The following CATSPERB variants were observed in gnomAD, a reference collection of about 807,000 sequenced individuals.
The protein encoded by CATSPERB is cation channel sperm-associated auxiliary subunit beta.
CATSPERB carries 93 observed loss-of-function variants against 128.3 expected under a neutral mutation model. The ratio of observed to expected loss-of-function variants is 0.72; its 90% CI spans 0.61 to 0.86. The LOEUF is 0.86. CATSPERB is among the 40% of genes least tolerant of loss of function. The pLI, the probability that CATSPERB is intolerant of heterozygous loss-of-function variation, is 0.00. For synonymous variants in CATSPERB, 381 were observed against 448.8 expected, an observed-to-expected ratio of 0.85 and a Z score of 1.91; for missense variants, 1,153 against 1,329.5, an observed-to-expected ratio of 0.87 and a Z score of 2.06.
At chr14:91,677,488 C>T (rs1326716874) in intron 11 of CATSPERB, among the ~76,000 whole-genome samples, 2 of 152,110 alleles carry the variant, frequency 1.3e-5, no homozygotes, top group East Asian at 1.9e-4. Context: ...TAAAGAAATG[C>T]AAATCAAAAC....
chr14:91,592,422 T>C (rs1893425382), intron 22 of CATSPERB: 1 of 181,746 alleles, frequency 5.5e-6, no homozygotes, highest in Non-Finnish European at 1.1e-5. Context: ...TCTTTCTTCA[T>C]AGCATATGTT....
At chr14:91,678,083 G>T (rs1040187834) in intron 11 of CATSPERB, among the ~76,000 whole-genome samples, 2 of 152,146 alleles carry the variant, frequency 1.3e-5, no homozygotes, top group African/African-American at 2.4e-5. Context: ...GTTGGCAGGT[G>T]GGGGGCAAGG....
In CATSPERB at chr14:91,659,864, G is replaced by A. The variant is rs377645915; in HGVS notation, c.1405C>T (p.Arg469Cys). 33 of 1,606,216 alleles carry A rather than the reference G, an allele frequency of 2.1e-5. No individual in the cohort carries two copies. Among genetic ancestry groups the A allele is most frequent in the Admixed American group, 1.7e-4 (10 of 58,260 alleles). ...GCCTTTGTCGAGTAAACCTTTCCAC[G>A]TTGAGAAACAAAAGTAATAGCTGAT... ...YTSAITFVSQ[R>C]GKVYSTKAGM... Residue 469 changes from arginine to cysteine, a missense_variant, in exon 15 of 27, where the codon CGT becomes TGT. By Grantham distance (180) the Arg-to-Cys change is radical (BLOSUM62 -3). Coordinates refer to ENST00000256343, the MANE Select transcript of CATSPERB (RefSeq NM_024764.4).
At chr14:91,621,554 T>A in intron 19 of CATSPERB, 54 bp downstream of exon 19, 1 of 1,359,566 alleles carries the variant, frequency 7.4e-7, no homozygotes, top group East Asian at 2.3e-5. Flanking sequence ...TATTTCACAT[T>A]CAAGAAAAGA....
intron 6 of CATSPERB, among the ~76,000 whole-genome samples, 174 bp from the exon 7 acceptor site, chr14:91,704,875 A>T (rs1895710435): frequency 1.3e-5 from 2 of 152,222 alleles, no homozygotes; most frequent in South Asian, 4.1e-4. Flanking sequence ...TTTCCAGGAT[A>T]TAAGGAGTAA....
intron 17 of CATSPERB, among the ~76,000 whole-genome samples, chr14:91,632,035 C>G (rs997877702): frequency 3.3e-5 from 5 of 151,448 alleles, no homozygotes; most frequent in Non-Finnish European, 7.4e-5. Context: ...GAAGAGAAGA[C>G]AAAAATGAAA....
Position 91,621,903 on chromosome 14 carries a change from CTCTATA to C in CATSPERB, c.1959_1964del (p.Asp653_Ile654del). 2 of 1,610,448 alleles carry C rather than the reference CTCTATA, an allele frequency of 1.2e-6. No individual in the cohort carries two copies. The highest frequency in any genetic ancestry group is 1.7e-6 in the Non-Finnish European group (2 of 1,178,212). On this transcript the variant is annotated inframe_deletion, in exon 19 of 27. Coordinates refer to ENST00000256343, the MANE Select transcript of CATSPERB (RefSeq NM_024764.4). The stretch of plus-strand genomic sequence containing the variant: ...TGTACCCGGGAAGCACTACAGTCTT[CTCTATA>C]TCTGTATCTTCAAACAAGGCCTGAA...
chr14:91,663,294 T>C (rs1894917445), intron 14 of CATSPERB, among the ~76,000 whole-genome samples: 2 of 152,216 alleles, frequency 1.3e-5, no homozygotes, highest in Non-Finnish European at 2.9e-5. Flanking sequence ...ATTTCTTTTA[T>C]TATTTTTCAT....
At chr14:91,598,934 T>C (rs1177831614) in intron 22 of CATSPERB, among the ~76,000 whole-genome samples, 1 of 152,084 alleles carries the variant, frequency 6.6e-6, no homozygotes, top group East Asian at 1.9e-4. Context: ...GCTGTCCTTG[T>C]TCATTCCTGG....
chr14:91,640,513 C>T (rs111526102), intron 15 of CATSPERB, among the ~76,000 whole-genome samples: 8 of 110,082 alleles, frequency 7.3e-5, no homozygotes, highest in African/African-American at 2.2e-4. Flanking sequence ...TTTGTTCTTG[C>T]GATAGTTTAC....
intron 4 of CATSPERB, among the ~76,000 whole-genome samples, chr14:91,720,231 T>C (rs1053011179): frequency 2.0e-5 from 3 of 151,942 alleles, no homozygotes; most frequent in Non-Finnish European, 4.4e-5. Context: ...TGACTTCTTA[T>C]TCAGAAGCAA....
intron 3 of CATSPERB, among the ~76,000 whole-genome samples, chr14:91,724,522 T>C (rs567478655): frequency 1.3e-5 from 2 of 152,318 alleles, no homozygotes; most frequent in East Asian, 3.9e-4. Context: ...TTATTATATA[T>C]ATTTATCATA....
At chr14:91,614,571 C>T (rs929557846) in intron 20 of CATSPERB, among the ~76,000 whole-genome samples, 3 of 151,532 alleles carry the variant, frequency 2.0e-5, no homozygotes, top group Non-Finnish European at 2.9e-5. Context: ...GGTGGGAGGA[C>T]TGCTCGAGCC....
chr14:91,725,138 T>C lies in CATSPERB; in HGVS notation c.110A>G (p.Asn37Ser). The C allele has an allele frequency of 6.3e-7, 1 of 1,578,238 alleles. No homozygotes were observed. Among genetic ancestry groups the C allele is most frequent in the Non-Finnish European group, 8.6e-7 (1 of 1,163,594 alleles). ...DDTEKRFACS[N>S]KGFPQENEII... ...TTCATTCTCTTGAGGGAACCCTTTG[T>C]TAGAACATGCAAAGCGTTTCTCTGT... Residue 37 changes from asparagine (N) to serine (S), a missense_variant, in exon 3 of 27, where the codon AAC becomes AGC. Asn to Ser is a conservative substitution (Grantham distance 46). Transcript: ENST00000256343.
chr14:91,716,848 T>C (rs1895951420), intron 5 of CATSPERB, among the ~76,000 whole-genome samples: 1 of 152,110 alleles, frequency 6.6e-6, no homozygotes, highest in Non-Finnish European at 1.5e-5. Flanking sequence ...TTGACAGTTT[T>C]TCTTATAAAG....
chr14:91,674,045 C>CT (rs1394513833), intron 12 of CATSPERB, 131 bp downstream of exon 12: 12 of 588,388 alleles, frequency 2.0e-5, no homozygotes, highest in Non-Finnish European at 3.6e-5. Context: ...AGTAGAAACA[C>CT]CACTGGGAGC....
intron 11 of CATSPERB, among the ~76,000 whole-genome samples, chr14:91,682,154 T>C (rs1895292706): frequency 6.6e-6 from 1 of 152,188 alleles, no homozygotes; most frequent in Admixed American, 6.5e-5. Flanking sequence ...ACCTAAGTAC[T>C]TGGAGTCATT....
chr14:91,589,320 A>T (rs186507487), intron 24 of CATSPERB, among the ~76,000 whole-genome samples: 2 of 152,358 alleles, frequency 1.3e-5, no homozygotes, highest in Admixed American at 1.3e-4. Context: ...TTATTCAAAA[A>T]TGCTTTTACC....
At position 91,580,708 on chromosome 14, in the gene CATSPERB, C is replaced by T; in HGVS notation, c.*181G>A. On this transcript the variant is annotated 3_prime_UTR_variant, in exon 27 of 27. Coordinates refer to ENST00000256343, the MANE Select transcript of CATSPERB (RefSeq NM_024764.4). ...CTTCAACATAAGCCCTGGCATAAGA[C>T]ATTTTCTATGTATTCAAAATAAGAA... 1 of 613,218 alleles carries T rather than the reference C, an allele frequency of 1.6e-6. No homozygotes were observed. The highest frequency in any genetic ancestry group is 2.8e-6 in the Non-Finnish European group (1 of 352,124). 38.0% of individuals were successfully genotyped at this position (613,218 alleles called of 1,614,324 possible). A position where few individuals can be genotyped will look rare whatever the true frequency, so the allele number is the denominator to read the frequency against.
Sources: gnomAD v4.1 joint callset for allele counts (sites outside exome capture counted in the v4.1 genomes callset) on GRCh38, gnomAD v4.1.1 for gene constraint, MANE v1.5 for transcripts, NCBI Gene and HGNC (gene_info 2026-07-23, HGNC 2026-07-21) for gene names.